Variants in GPR89A observed in about 807,000 individuals in gnomAD.
GPR89A encodes golgi pH regulator A, also known as G protein-coupled receptor 89A.
Under a neutral mutation model 52.0 loss-of-function variants are expected in GPR89A, and 16 were observed. That is an observed-to-expected ratio of 0.31 (90% confidence interval 0.21 to 0.47). GPR89A has a LOEUF of 0.47. GPR89A is among the 20% of genes least tolerant of loss of function. The pLI, the probability that GPR89A is intolerant of heterozygous loss-of-function variation, is 1.00. For synonymous variants in GPR89A, 55 were observed against 150.9 expected (o/e 0.36, Z 4.66); for missense variants, 135 against 449.4 (o/e 0.30, Z 6.33).
chr1:145,660,519 A>G lies in GPR89A; in HGVS notation c.910-2810A>G, dbSNP rs1201900267. Among the ~76,000 whole-genome samples, 3 of 151,644 alleles carry G rather than the reference A, an allele frequency of 2.0e-5. No individual in the cohort carries two copies. The East Asian group carries it at 5.8e-4, about 29-fold the overall frequency. ...AAACTACCATCAGAGTGAACAGGCA[A>G]CCTACAGAATGGGAGAAAATTTTTG... On this transcript the variant is annotated intron_variant, in intron 10 of 13. Transcript: ENST00000313835.
intron 10 of GPR89A, among the ~76,000 whole-genome samples, chr1:145,650,145 G>A (rs1342468289): frequency 2.0e-5 from 3 of 151,056 alleles, no homozygotes; most frequent in Non-Finnish European, 2.9e-5. Context: ...CCCCCTCCCC[G>A]CCTTCGACAG....
chr1:145,669,096 A>T (rs1553696993), intron 12 of GPR89A, among the ~76,000 whole-genome samples: 1 of 152,088 alleles, frequency 6.6e-6, no homozygotes, highest in African/African-American at 2.4e-5. Context: ...GGCCAGCATC[A>T]TCCTGATACC....
chr1:145,643,573 C>T (rs1268431323), intron 7 of GPR89A, among the ~76,000 whole-genome samples: 20 of 152,192 alleles, frequency 1.3e-4, no homozygotes, highest in African/African-American at 4.1e-4. Context: ...CATTTATCTT[C>T]ACAACCATCC....
intron 12 of GPR89A, among the ~76,000 whole-genome samples, chr1:145,668,362 GCT>G (rs1163783823): frequency 6.6e-6 from 1 of 151,980 alleles, no homozygotes; most frequent in Non-Finnish European, 1.5e-5. Flanking sequence ...TCATGATTTG[GCT>G]CTCTGTTTGT....
intron 1 of GPR89A, among the ~76,000 whole-genome samples, chr1:145,612,829 C>G (rs1175971802): frequency 1.3e-5 from 2 of 152,002 alleles, no homozygotes; most frequent in Non-Finnish European, 2.9e-5. Context: ...AGCCTATTAT[C>G]TAATGTTTTC....
intron 1 of GPR89A, among the ~76,000 whole-genome samples, chr1:145,609,097 G>A (rs1553685656): frequency 6.6e-6 from 1 of 152,190 alleles, no homozygotes; most frequent in Non-Finnish European, 1.5e-5. Flanking sequence ...GTGAAGCTCA[G>A]ACTGCCTGTT....
At chr1:145,659,762 T>C (rs1553695238) in intron 10 of GPR89A, among the ~76,000 whole-genome samples, 1 of 130,246 alleles carries the variant, frequency 7.7e-6, no homozygotes, top group Non-Finnish European at 1.6e-5. Flanking sequence ...GTGGGCTTTT[T>C]TTGGTTCCTT....
intron 10 of GPR89A, among the ~76,000 whole-genome samples, chr1:145,655,303 A>C (rs1337073453): frequency 3.9e-5 from 6 of 152,016 alleles, no homozygotes; most frequent in Admixed American, 6.6e-5. Flanking sequence ...CTGTCAGTGC[A>C]TCCATCTCAG....
chr1:145,647,933 T>C (rs1460035322), intron 10 of GPR89A, among the ~76,000 whole-genome samples: 1 of 138,452 alleles, frequency 7.2e-6, no homozygotes, highest in Non-Finnish European at 1.5e-5. Flanking sequence ...TTTCTTATTT[T>C]GCATTCTGCT....
At chr1:145,648,487 C>CTTTTT (rs782293369) in intron 10 of GPR89A, among the ~76,000 whole-genome samples, 3 of 147,122 alleles carry the variant, frequency 2.0e-5, no homozygotes, top group African/African-American at 5.0e-5. Flanking sequence ...GGAAGCATGT[C>CTTTTT]TTTTTTTTTT....
intron 1 of GPR89A, among the ~76,000 whole-genome samples, chr1:145,612,028 A>G (rs1553686237): frequency 6.6e-6 from 1 of 152,104 alleles, no homozygotes; most frequent in African/African-American, 2.4e-5. Flanking sequence ...AGGCTACTAT[A>G]GAAAATCACA....
chr1:145,632,996 AGTAT>A (rs1452427871), intron 7 of GPR89A, among the ~76,000 whole-genome samples: 6 of 151,202 alleles, frequency 4.0e-5, no homozygotes, highest in Admixed American at 2.6e-4. Context: ...CTTAATGGCT[AGTAT>A]GTTAAACATT....
chr1:145,629,189 C>T (rs1649725536), intron 5 of GPR89A, among the ~76,000 whole-genome samples: 1 of 152,084 alleles, frequency 6.6e-6, no homozygotes, highest in African/African-American at 2.4e-5. Context: ...AGACAGTTCC[C>T]AGGGCCCAGA....
chr1:145,613,476 T>A (rs1244161717), intron 1 of GPR89A, among the ~76,000 whole-genome samples: 1 of 152,172 alleles, frequency 6.6e-6, no homozygotes, highest in Non-Finnish European at 1.5e-5. Flanking sequence ...CATACCGCTC[T>A]ATATAATATA....
intron 13 of GPR89A, 71 bp from the exon 14 acceptor site, chr1:145,669,763 T>C (rs782278752): frequency 6.3e-7 from 1 of 1,598,066 alleles, no homozygotes; most frequent in Non-Finnish European, 8.6e-7. Context: ...TTTAAGAATT[T>C]TAATAATTTC....
chr1:145,657,835 A>AT (rs1176186407), intron 10 of GPR89A, among the ~76,000 whole-genome samples: 2 of 149,168 alleles, frequency 1.3e-5, no homozygotes, highest in Non-Finnish European at 3.0e-5. Context: ...AGAGACTGTT[A>AT]TTTTTTTCAT....
At chr1:145,665,892 G>C (rs1413390861) in intron 12 of GPR89A, among the ~76,000 whole-genome samples, 1 of 151,292 alleles carries the variant, frequency 6.6e-6, no homozygotes, top group Non-Finnish European at 1.5e-5. Flanking sequence ...TACTTGGGAG[G>C]CTGAGTTAGG....
intron 5 of GPR89A, among the ~76,000 whole-genome samples, chr1:145,629,682 ATAG>A (rs1432877570): frequency 6.6e-6 from 1 of 151,926 alleles, no homozygotes; most frequent in Non-Finnish European, 1.5e-5. Context: ...CAGAAGGAAG[ATAG>A]TAGGAGATTG....
intron 7 of GPR89A, among the ~76,000 whole-genome samples, chr1:145,637,592 CAA>C (rs1650337243): frequency 6.7e-6 from 1 of 150,006 alleles, no homozygotes; most frequent in African/African-American, 2.4e-5. Flanking sequence ...TGTAAAGAAA[CAA>C]GACGATGTGA....
Sources: gnomAD v4.1 joint callset for allele counts (sites outside exome capture counted in the v4.1 genomes callset) on GRCh38, gnomAD v4.1.1 for gene constraint, MANE v1.5 for transcripts, NCBI Gene and HGNC (gene_info 2026-07-23, HGNC 2026-07-21) for gene names.